MYO3B: variants seen among roughly 807,000 people sequenced by gnomAD.
MYO3B encodes the protein myosin-IIIb.
A neutral mutation model predicts 174.6 loss-of-function variants in MYO3B; 156 were observed. The ratio of observed to expected loss-of-function variants is 0.89; its 90% CI spans 0.78 to 1.02. The LOEUF is 1.02. MYO3B is among the 50% of genes least tolerant of loss of function. The pLI, the probability that MYO3B is intolerant of heterozygous loss-of-function variation, is 0.00. For synonymous variants in MYO3B, 563 were observed against 569.1 expected, an observed-to-expected ratio of 0.99 and a Z score of 0.15; for missense variants, 1,632 against 1,639.4, an observed-to-expected ratio of 1.00 and a Z score of 0.08.
At chr2:170,398,685 C>G (rs1485232056) in intron 16 of MYO3B, among the ~76,000 whole-genome samples, 1 of 152,092 alleles carries the variant, frequency 6.6e-6, no homozygotes. Context: ...CACTCACTTT[C>G]AAGGGTTTTA....
chr2:170,454,572 C>T (rs1182580523), intron 23 of MYO3B, among the ~76,000 whole-genome samples: 1 of 152,212 alleles, frequency 6.6e-6, no homozygotes, highest in Admixed American at 6.5e-5. Flanking sequence ...AGCCCCTAAT[C>T]CAAGAGAACT....
intron 32 of MYO3B, among the ~76,000 whole-genome samples, chr2:170,639,927 A>G (rs1248144600): frequency 6.6e-6 from 1 of 152,196 alleles, no homozygotes; most frequent in African/African-American, 2.4e-5. Context: ...GGCTCAAGCC[A>G]TTTGATGCAG....
intron 32 of MYO3B, among the ~76,000 whole-genome samples, chr2:170,625,065 A>C (rs1167634379): frequency 1.3e-5 from 2 of 152,180 alleles, no homozygotes; most frequent in African/African-American, 4.8e-5. Flanking sequence ...TGGTATCAGG[A>C]TGATGCTGGC....
chr2:170,424,610 A>G lies in MYO3B; in HGVS notation c.2650+16766A>G, dbSNP rs577027295. Among the ~76,000 whole-genome samples the G allele has an allele frequency of 3.3e-5, 5 of 152,064 alleles. No individual in the cohort carries two copies. In the East Asian group the frequency reaches 7.7e-4, roughly 23 times the overall value. On this transcript the variant is annotated intron_variant, in intron 22 of 34. Transcript: ENST00000408978. ...GGCAAAAGAGGAAGACTCCGCCTCA[A>G]AAAAAAAGAGAAAAAGAAAAACTAA...
chr2:170,599,505 G>T (rs560254712), intron 32 of MYO3B, among the ~76,000 whole-genome samples: 1 of 152,266 alleles, frequency 6.6e-6, no homozygotes, highest in Non-Finnish European at 1.5e-5. Flanking sequence ...CCAGCAATTT[G>T]GGAGGCCAAG....
intron 28 of MYO3B, among the ~76,000 whole-genome samples, chr2:170,511,988 A>G (rs112582124): frequency 3.9e-5 from 6 of 152,338 alleles, no homozygotes; most frequent in African/African-American, 1.4e-4. Context: ...TCCCCAGACA[A>G]TGCTGTTTCA....
At position 170,611,381 on chromosome 2, in the gene MYO3B, C is replaced by T. The variant is rs138320930; in HGVS notation, c.3734-40247C>T. 6.6e-5 allele frequency among the ~76,000 whole-genome samples: 10 copies of T among 152,170 alleles called. 1 individual carries two copies. In the East Asian group the frequency reaches 1.9e-3, roughly 29 times the overall value. On this transcript the variant is annotated intron_variant, in intron 32 of 34. Transcript: ENST00000408978. ...TTTTTTAAAGGGCAAGGGCCAGAGT[C>T]ATTTTGGCAAAATAGAATCCCCAAA...
chr2:170,602,267 A>G, intron 32 of MYO3B: 1 of 788,038 alleles, frequency 1.3e-6, no homozygotes, highest in Non-Finnish European at 2.2e-6. Flanking sequence ...ACAGTCACCC[A>G]GTGCCCGTCC....
In MYO3B at chr2:170,405,706, G is replaced by A. The variant is rs889868473; in HGVS notation, c.2520+73G>A. On this transcript the variant is annotated intron_variant, in intron 21 of 34. Transcript: ENST00000408978. ...GTGTCTGTATTACCCTGTCTGTGCTGCTCATGAAATTGCTTACAGATTTCT... is the reference window on the plus strand; with the variant it reads ...GTGTCTGTATTACCCTGTCTGTGCTACTCATGAAATTGCTTACAGATTTCT... 8.6e-6 allele frequency: 10 copies of A among 1,166,796 alleles called. No individual in the cohort carries two copies. In the African/African-American group the frequency reaches 1.2e-4, roughly 14 times the overall value. The allele number at this position is 1,166,796 out of a possible 1,614,324, so 72.3% of individuals were successfully genotyped here. A position where few individuals can be genotyped will look rare whatever the true frequency, so the allele number is the denominator to read the frequency against.
chr2:170,488,995 G>A (rs1030828036), intron 25 of MYO3B, among the ~76,000 whole-genome samples: 3 of 152,184 alleles, frequency 2.0e-5, no homozygotes, highest in African/African-American at 7.2e-5. Context: ...CCAGATACCT[G>A]TAAACACTCA....
intron 7 of MYO3B, among the ~76,000 whole-genome samples, chr2:170,331,051 A>G (rs2093908586): frequency 6.6e-6 from 1 of 152,170 alleles, no homozygotes; most frequent in Admixed American, 6.5e-5. Context: ...TGCCAGGTGG[A>G]CAAATTAGGG....
At chr2:170,295,779 T>G (rs1291441133) in intron 7 of MYO3B, among the ~76,000 whole-genome samples, 1 of 152,220 alleles carries the variant, frequency 6.6e-6, no homozygotes, top group African/African-American at 2.4e-5. Flanking sequence ...ATATCTTTAT[T>G]TCTTCTTTAT....
chr2:170,363,748 T>A (rs1235854219), intron 8 of MYO3B, among the ~76,000 whole-genome samples: 1 of 152,222 alleles, frequency 6.6e-6, no homozygotes, highest in East Asian at 1.9e-4. Context: ...CTTTATCTTC[T>A]GGTGGACTTT....
At chr2:170,324,871 C>A (rs1277525194) in intron 7 of MYO3B, among the ~76,000 whole-genome samples, 1 of 152,178 alleles carries the variant, frequency 6.6e-6, no homozygotes, top group Non-Finnish European at 1.5e-5. Flanking sequence ...CTGTGGTGCT[C>A]ACCCTCCAGC....
intron 7 of MYO3B, among the ~76,000 whole-genome samples, chr2:170,281,239 T>C (rs1176621057): frequency 1.3e-5 from 2 of 152,196 alleles, no homozygotes; most frequent in African/African-American, 4.8e-5. Flanking sequence ...TTTGTGGCAA[T>C]TGTGAATGGG....
At chr2:170,309,745 G>A (rs796962172) in intron 7 of MYO3B, among the ~76,000 whole-genome samples, 2 of 151,660 alleles carry the variant, frequency 1.3e-5, no homozygotes, top group South Asian at 4.2e-4. Context: ...GAAGTTTTTG[G>A]ATTTTCTTTT....
chr2:170,445,986 A>G (rs74426706), intron 23 of MYO3B, among the ~76,000 whole-genome samples: 5,173 of 122,366 alleles, frequency 0.042, 209 homozygotes, highest in East Asian at 0.22. Flanking sequence ...AAAATTACCA[A>G]TGGAAAAATC....
chr2:170,556,673 C>T (rs891228031), intron 32 of MYO3B, among the ~76,000 whole-genome samples: 3 of 152,214 alleles, frequency 2.0e-5, no homozygotes, highest in Admixed American at 6.5e-5. Context: ...AGGCATGTGT[C>T]ACCACGTCTG....
At chr2:170,638,560 T>C (rs146000475) in intron 32 of MYO3B, among the ~76,000 whole-genome samples, 1 of 152,212 alleles carries the variant, frequency 6.6e-6, no homozygotes. Context: ...GCGATTACTC[T>C]GGAGTTACAG....
Sources: gnomAD v4.1 joint callset for allele counts (sites outside exome capture counted in the v4.1 genomes callset) on GRCh38, gnomAD v4.1.1 for gene constraint, MANE v1.5 for transcripts, NCBI Gene and HGNC (gene_info 2026-07-23, HGNC 2026-07-21) for gene names.